The following CNKSR2 variants were observed in gnomAD, a reference collection of about 807,000 sequenced individuals.
The protein encoded by CNKSR2 is connector enhancer of kinase suppressor of Ras 2.
Under a neutral mutation model 84.4 loss-of-function variants are expected in CNKSR2, and 14 were observed. That is an observed-to-expected ratio of 0.17 (90% CI 0.11 to 0.26). The LOEUF (loss-of-function observed/expected upper bound fraction) is 0.26, where lower values mean the gene tolerates loss of function less well. CNKSR2 is among the 10% of genes least tolerant of loss of function. CNKSR2 has a pLI of 1.00. For missense variants in CNKSR2, 485 were observed against 771.2 expected (o/e 0.63, Z 4.40); for synonymous variants, 275 against 277.9 (o/e 0.99, Z 0.10).
chrX:21,553,153 TAAAC>T (rs977600112), intron 11 of CNKSR2, among the ~76,000 whole-genome samples: 4 of 110,975 alleles, frequency 3.6e-5, no homozygotes, highest in Admixed American at 9.6e-5. Flanking sequence ...TGAGGACACT[TAAAC>T]AAACAAAAAA....
At position 21,526,933 on chromosome X, in the gene CNKSR2, A is replaced by G; in HGVS notation, c.1024A>G (p.Lys342Glu). The change falls in exon 10 of 22, where the codon AAA becomes GAA. Residue 342 changes from lysine (K) to glutamate (E), a missense_variant. Physicochemically the swap from Lys to Glu is moderately conservative, Grantham distance 56 (BLOSUM62 1). Transcript: ENST00000379510. ...TPSSTISTPT[K>E]RDSSALQDLY... The stretch of plus-strand genomic sequence containing the variant: ...TTCCAGCACCATCAGTACACCCACC[A>G]AAAGAGACAGTTCTGCCCTCCAGGA... The G allele has an allele frequency of 8.3e-7, 1 of 1,204,624 alleles. No homozygotes were observed. Among genetic ancestry groups the G allele is most frequent in the Non-Finnish European group, 1.1e-6 (1 of 889,842 alleles).
intron 21 of CNKSR2, among the ~76,000 whole-genome samples, chrX:21,650,879 G>T (rs2092719341): frequency 8.9e-6 from 1 of 111,977 alleles, no homozygotes; most frequent in Admixed American, 9.4e-5. Flanking sequence ...AGAGAGTGCT[G>T]TTAATAGTCG....
intron 4 of CNKSR2, among the ~76,000 whole-genome samples, chrX:21,446,224 A>G (rs1351026397): frequency 9.0e-6 from 1 of 111,464 alleles, no homozygotes; most frequent in Non-Finnish European, 1.9e-5. Flanking sequence ...AGTTAGATAT[A>G]AAACTATCAG....
At chrX:21,559,335 G>T (rs749596710) in intron 11 of CNKSR2, among the ~76,000 whole-genome samples, 3 of 109,977 alleles carry the variant, frequency 2.7e-5, no homozygotes, top group African/African-American at 9.9e-5. Flanking sequence ...CACCAAGACT[G>T]GCACTAGGGA....
intron 5 of CNKSR2, among the ~76,000 whole-genome samples, chrX:21,474,718 C>T (rs995931532): frequency 9.0e-6 from 1 of 111,624 alleles, no homozygotes; most frequent in Admixed American, 9.6e-5. Flanking sequence ...TATAATGAAA[C>T]GCCTCTAAGT....
intron 11 of CNKSR2, among the ~76,000 whole-genome samples, chrX:21,536,121 T>A (rs941502510): frequency 2.7e-5 from 3 of 111,701 alleles, no homozygotes; most frequent in Admixed American, 1.9e-4. Flanking sequence ...ATTGAAATGT[T>A]TATATGGTTT....
chrX:21,434,166 A>G (rs1176997782), intron 3 of CNKSR2, among the ~76,000 whole-genome samples: 1 of 111,168 alleles, frequency 9.0e-6, no homozygotes, highest in Non-Finnish European at 1.9e-5. Context: ...CATTTTCCCT[A>G]TAATTATAAA....
At chrX:21,511,317 G>A (rs1055141148) in intron 8 of CNKSR2, among the ~76,000 whole-genome samples, 7 of 110,902 alleles carry the variant, frequency 6.3e-5, no homozygotes, top group Non-Finnish European at 1.1e-4. Context: ...TGGATGAGAG[G>A]TCATTTAATC....
chrX:21,440,117 T>C (rs1157957563), intron 3 of CNKSR2, among the ~76,000 whole-genome samples: 1 of 111,548 alleles, frequency 9.0e-6, no homozygotes, highest in Non-Finnish European at 1.9e-5. Context: ...CATTTACTAG[T>C]TGTGTGACCT....
chrX:21,498,857 G>A (rs1359518698), intron 7 of CNKSR2, among the ~76,000 whole-genome samples: 7 of 111,419 alleles, frequency 6.3e-5, no homozygotes, highest in Non-Finnish European at 1.3e-4. Context: ...GCATGCATAT[G>A]CAGTGCTCTT....
At chrX:21,634,599 C>G (rs1377115125) in intron 20 of CNKSR2, among the ~76,000 whole-genome samples, 4 of 110,899 alleles carry the variant, frequency 3.6e-5, no homozygotes, top group African/African-American at 1.3e-4. Flanking sequence ...AAGTTTATTT[C>G]AGGCTTCTAC....
At chrX:21,429,811 T>A (rs2090611523) in intron 2 of CNKSR2, 1 of 110,822 alleles carries the variant, frequency 9.0e-6, no homozygotes, top group Non-Finnish European at 1.9e-5. Context: ...GGTGGAAGGA[T>A]CGCTTGAACC....
At chrX:21,459,979 C>T (rs1282551391) in intron 4 of CNKSR2, among the ~76,000 whole-genome samples, 1 of 111,613 alleles carries the variant, frequency 9.0e-6, no homozygotes, top group East Asian at 2.8e-4. Context: ...TTTCTTGTCT[C>T]TGTAATATCA....
intron 13 of CNKSR2, among the ~76,000 whole-genome samples, chrX:21,585,057 A>G (rs2092377419): frequency 9.3e-6 from 1 of 107,672 alleles, no homozygotes; most frequent in Admixed American, 1.0e-4. Context: ...GCCTGGGGCA[A>G]CATGGTAAAA....
At chrX:21,412,655 CTATT>C (rs1356743937) in intron 1 of CNKSR2, among the ~76,000 whole-genome samples, 1 of 111,141 alleles carries the variant, frequency 9.0e-6, no homozygotes, top group Non-Finnish European at 1.9e-5. Flanking sequence ...AATTGTATAT[CTATT>C]AGTGAAGTTT....
intron 11 of CNKSR2, among the ~76,000 whole-genome samples, chrX:21,539,729 G>A (rs1338842369): frequency 2.7e-5 from 3 of 110,986 alleles, no homozygotes; most frequent in Admixed American, 9.6e-5. Flanking sequence ...GTGTGTGTGT[G>A]CACAGTAGTG....
intron 3 of CNKSR2, among the ~76,000 whole-genome samples, chrX:21,436,620 A>C (rs1210409868): frequency 4.5e-5 from 5 of 111,489 alleles, no homozygotes; most frequent in Non-Finnish European, 7.5e-5. Context: ...AATTTCCTTT[A>C]ATTAGAGTTA....
At chrX:21,595,536 C>A in intron 17 of CNKSR2, 141 bp downstream of exon 17, 1 of 343,235 alleles carries the variant, frequency 2.9e-6, no homozygotes, top group Non-Finnish European at 5.1e-6. Context: ...CTCCATGCAG[C>A]CATATCTAAT....
At chrX:21,590,710 C>T in intron 14 of CNKSR2, 90 bp downstream of exon 14, 1 of 972,028 alleles carries the variant, frequency 1.0e-6, no homozygotes, top group South Asian at 2.2e-5. Context: ...CTTGCCTGAG[C>T]CCAGTGTGGT....
Sources: gnomAD v4.1 joint callset for allele counts (sites outside exome capture counted in the v4.1 genomes callset) on GRCh38, gnomAD v4.1.1 for gene constraint, MANE v1.5 for transcripts, NCBI Gene and HGNC (gene_info 2026-07-23, HGNC 2026-07-21) for gene names.